The following LILRB4 variants were observed in gnomAD, a reference collection of about 807,000 sequenced individuals.
LILRB4 encodes the protein leukocyte immunoglobulin like receptor B4.
Under a neutral mutation model 55.2 loss-of-function variants are expected in LILRB4, and 49 were observed. The observed-to-expected ratio is 0.89, with a 90% CI of 0.71 to 1.13. The LOEUF (loss-of-function observed/expected upper bound fraction) is 1.13. Among genes scored for constraint, LILRB4 ranks in the 50% most tolerant of loss-of-function variants. The pLI, the probability that LILRB4 is intolerant of heterozygous loss-of-function variation, is 0.00. For synonymous variants in LILRB4, 229 were observed against 213.8 expected, an observed-to-expected ratio of 1.07 and a Z score of -0.62; for missense variants, 590 against 555.2, an observed-to-expected ratio of 1.06 and a Z score of -0.63.
At chr19:54,667,353 G>C (rs148311575) in intron 10 of LILRB4, 3 of 624,834 alleles carry the variant, frequency 4.8e-6, no homozygotes, top group Non-Finnish European at 5.7e-6. Context: ...TCTAATGGAC[G>C]AGCCCCTGCA....
chr19:54,663,435 C>T, intron 1 of LILRB4, 97 bp from the exon 2 acceptor site: 2 of 694,004 alleles, frequency 2.9e-6, no homozygotes, highest in Non-Finnish European at 4.1e-6. Flanking sequence ...GACAGCGAGA[C>T]TCCGTCTCAA....
At position 54,666,284 on chromosome 19, in the gene LILRB4, C is replaced by G. The variant is rs562488473; in HGVS notation, c.919C>G (p.Pro307Ala). The change falls in exon 8 of 12, where the codon CCA becomes GCA. Residue 307 changes from proline to alanine, a missense_variant. Coordinates refer to ENST00000430952, the Ensembl canonical transcript of LILRB4. This position sits in a 1 kb window ranked among gnomAD's most constrained non-coding sequence, Gnocchi z 4.8. Reference sequence around the variant, plus strand: ...CCAACGTCCTCCAGGGGCTGCCGAGCCAGAGCCCAAGGACGGGGGCCTACA... The same window carrying G: ...CCAACGTCCTCCAGGGGCTGCCGAGGCAGAGCCCAAGGACGGGGGCCTACA... 6.2e-6 allele frequency: 10 copies of G among 1,609,610 alleles called. No homozygotes were observed. Among genetic ancestry groups the G allele is most frequent in the Non-Finnish European group, 8.5e-6 (10 of 1,177,700 alleles).
At position 54,665,301 on chromosome 19, in the gene LILRB4, C is replaced by T. The variant is rs1450271253; in HGVS notation, c.757+121C>T. On this transcript the variant is annotated intron_variant, in intron 6 of 11. Transcript: ENST00000430952. The surrounding 1 kb of genome is among the most constrained non-coding windows in gnomAD (Gnocchi z 5.5). ...GGACAGGCCCCTCCCCTGCATGGGC[C>T]TCAGTTTCTCCAAGTGTAAAGGAGA... 7.6e-7 allele frequency: 1 copy of T among 1,323,490 alleles called. No individual in the cohort carries two copies. The highest frequency in any genetic ancestry group is 1.0e-6 in the Non-Finnish European group (1 of 976,366). 82.0% of individuals were successfully genotyped at this position (1,323,490 alleles called of 1,614,324 possible). A position where few individuals can be genotyped will look rare whatever the true frequency, so the allele number is the denominator to read the frequency against.
exon 1 of LILRB4, chr19:54,663,019 C>T (rs2065071515): frequency 1.2e-6 from 2 of 1,614,042 alleles, no homozygotes; most frequent in South Asian, 1.1e-5. Flanking sequence ...GCTGGGGCCC[C>T]TGGGAGGAGA....
chr19:54,666,750 G>C lies in LILRB4; in HGVS notation c.1041+1G>C. ...GGACGGGGTGGAAATGGACACTCGG[G>C]TGAGAACCCGCCCCTGTCCCCGGCA... On this transcript the variant is annotated splice_donor_variant, in intron 10 of 11. Transcript: ENST00000430952. LOFTEE classifies it high-confidence loss of function. The surrounding 1 kb of genome is among the most constrained non-coding windows in gnomAD (Gnocchi z 4.8). The C allele has an allele frequency of 6.2e-7, 1 of 1,614,062 alleles. No homozygotes were observed. Among genetic ancestry groups the C allele is most frequent in the Non-Finnish European group, 8.5e-7 (1 of 1,179,928 alleles).
At chr19:54,663,413 T>G in intron 1 of LILRB4, 119 bp from the exon 2 acceptor site, 1 of 1,374,748 alleles carries the variant, frequency 7.3e-7, no homozygotes, top group South Asian at 1.4e-5. Context: ...ACCACCGCAC[T>G]CCAGCCTGGG....
In LILRB4 at chr19:54,665,282, G is replaced by C; in HGVS notation, c.757+102G>C. ...CCTCTGGAGGTGGTGATGTGGACAG[G>C]CCCCTCCCCTGCATGGGCCTCAGTT... On this transcript the variant is annotated intron_variant, in intron 6 of 11. Coordinates refer to ENST00000430952, the Ensembl canonical transcript of LILRB4. The surrounding 1 kb of genome is among the most constrained non-coding windows in gnomAD (Gnocchi z 5.5). The C allele has an allele frequency of 7.2e-7, 1 of 1,383,162 alleles. No individual in the cohort carries two copies. Among genetic ancestry groups the C allele is most frequent in the Admixed American group, 2.2e-5 (1 of 46,030 alleles). The allele number at this position is 1,383,162 out of a possible 1,614,324, so 85.7% of individuals were successfully genotyped here.
chr19:54,665,681 G>A lies in LILRB4; in HGVS notation c.758-134G>A, dbSNP rs2065231868. On this transcript the variant is annotated intron_variant, in intron 6 of 11. Transcript: ENST00000430952. The surrounding 1 kb of genome is among the most constrained non-coding windows in gnomAD (Gnocchi z 5.5). ...CTGTGAAATGGGTGGAGAGAGGGTG[G>A]CAATCTCAGGTTGCACAACTGCTGT... 5.5e-6 allele frequency: 6 copies of A among 1,087,468 alleles called. No homozygotes were observed. Among genetic ancestry groups the A allele is most frequent in the Non-Finnish European group, 8.3e-6 (6 of 726,882 alleles). The allele number at this position is 1,087,468 out of a possible 1,614,324, so 67.4% of individuals were successfully genotyped here. A position where few individuals can be genotyped will look rare whatever the true frequency, so the allele number is the denominator to read the frequency against.
rs1177187557 is a variant in LILRB4 at position 54,663,222 on chromosome 19, G to A, written c.34+155G>A. 3.9e-5 allele frequency among the ~76,000 whole-genome samples: 6 copies of A among 151,900 alleles called. No individual in the cohort carries two copies. In the South Asian group the frequency reaches 1.0e-3, roughly 26 times the overall value. On this transcript the variant is annotated intron_variant, in intron 1 of 11. Transcript: ENST00000430952. Reference sequence around the variant, plus strand: ...AGCACTTTGGGAGGCCGAGGCGGGCGGATCACGAGGTCAGGAGATCGAGAC... The same window carrying A: ...AGCACTTTGGGAGGCCGAGGCGGGCAGATCACGAGGTCAGGAGATCGAGAC...
Position 54,666,779 on chromosome 19 carries a change from A to G in LILRB4, c.1041+30A>G, listed in dbSNP as rs2065290217. The G allele has an allele frequency of 3.7e-6, 6 of 1,600,914 alleles. No individual in the cohort carries two copies. Among genetic ancestry groups the G allele is most frequent in the Non-Finnish European group, 5.1e-6 (6 of 1,168,246 alleles). On this transcript the variant is annotated intron_variant, in intron 10 of 11. Transcript: ENST00000430952. This position sits in a 1 kb window ranked among gnomAD's most constrained non-coding sequence, Gnocchi z 4.8. ...GAACCCGCCCCTGTCCCCGGCACCA[A>G]AGGCCTCCTGGTGCCAGATCTAATC... is the stretch of plus-strand genomic sequence containing the variant.
At chr19:54,663,255 G>A (rs1407674390) in intron 1 of LILRB4, among the ~76,000 whole-genome samples, 188 bp downstream of exon 1, 1 of 151,818 alleles carries the variant, frequency 6.6e-6, no homozygotes, top group Non-Finnish European at 1.5e-5. Context: ...GACCATCCTG[G>A]CTAACACGGT....
Position 54,664,543 on chromosome 19 carries a change from C to T in LILRB4, c.655+58C>T, listed in dbSNP as rs926608129. ...AGTGGCTCCGTTCATGCCCTGCTGC[C>T]AGGAGAGCTCTGGGCAGGGATGGAG... On this transcript the variant is annotated intron_variant, in intron 4 of 11. Transcript: ENST00000430952. 26 of 1,514,870 alleles carry T rather than the reference C, an allele frequency of 1.7e-5. No homozygotes were observed. The Middle Eastern group carries it at 1.4e-3, about 79-fold the overall frequency. The allele number at this position is 1,514,870 out of a possible 1,614,324, so 93.8% of individuals were successfully genotyped here.
chr19:54,664,802 C>T (rs374625345), exon 5 of LILRB4: 12 of 1,590,996 alleles, frequency 7.5e-6, no homozygotes, highest in African/African-American at 6.7e-5. Flanking sequence ...TACCCAGGAT[C>T]CTTGGAGGGT....
At chr19:54,663,994 T>C (rs772645518) in exon 3 of LILRB4, 4 of 1,614,064 alleles carry the variant, frequency 2.5e-6, no homozygotes, top group East Asian at 2.2e-5. Context: ...CGCAGCCCTG[T>C]AGGCTGGTCA....
chr19:54,666,166 T>C lies in LILRB4; in HGVS notation c.875-74T>C. ...TGCAAGTGTATTTTCAGGTTTCCTT[T>C]CCTCTTGACTTGCATGTGCAAGGCA... On this transcript the variant is annotated intron_variant, in intron 7 of 11. Transcript: ENST00000430952. The surrounding 1 kb of genome is among the most constrained non-coding windows in gnomAD (Gnocchi z 4.8). 7.0e-7 allele frequency: 1 copy of C among 1,425,092 alleles called. No individual in the cohort carries two copies. Among genetic ancestry groups the C allele is most frequent in the East Asian group, 2.3e-5 (1 of 43,654 alleles). The allele number at this position is 1,425,092 out of a possible 1,614,324, so 88.3% of individuals were successfully genotyped here.
intron 1 of LILRB4, 118 bp from the exon 2 acceptor site, chr19:54,663,414 C>T: frequency 1.4e-6 from 2 of 1,395,994 alleles, no homozygotes; most frequent in South Asian, 1.4e-5. Flanking sequence ...CCACCGCACT[C>T]CAGCCTGGGT....
Position 54,666,918 on chromosome 19 carries a change from TG to T in LILRB4, c.1041+172del. 2 of 781,324 alleles carry T rather than the reference TG, an allele frequency of 2.6e-6. No homozygotes were observed. Among genetic ancestry groups the T allele is most frequent in the East Asian group, 2.5e-5 (1 of 39,840 alleles). The allele number at this position is 781,324 out of a possible 1,614,324, so 48.4% of individuals were successfully genotyped here. On this transcript the variant is annotated intron_variant, in intron 10 of 11. Transcript: ENST00000430952. The surrounding 1 kb of genome is among the most constrained non-coding windows in gnomAD (Gnocchi z 4.8). ...GGGACCTCACTCTCTCCTGCTGTCC[TG>T]GGACCTCATGGGCCTCCTCCCGGGT...
intron 3 of LILRB4, 56 bp from the exon 4 acceptor site, chr19:54,664,130 G>T: frequency 6.3e-7 from 1 of 1,592,302 alleles, no homozygotes; most frequent in Non-Finnish European, 8.6e-7. Flanking sequence ...GCCCAGCCCT[G>T]GGGATGATGT....
At position 54,665,664 on chromosome 19, in the gene LILRB4, T is replaced by C; in HGVS notation, c.758-151T>C. 1 of 990,080 alleles carries C rather than the reference T, an allele frequency of 1.0e-6. No homozygotes were observed. Among genetic ancestry groups the C allele is most frequent in the South Asian group, 1.4e-5 (1 of 71,042 alleles). 61.3% of individuals were successfully genotyped at this position (990,080 alleles called of 1,614,324 possible). ...AGCCTCAGTTTGTGCATCTGTGAAATGGGTGGAGAGAGGGTGGCAATCTCA... is the reference window on the plus strand; with the variant it reads ...AGCCTCAGTTTGTGCATCTGTGAAACGGGTGGAGAGAGGGTGGCAATCTCA... On this transcript the variant is annotated intron_variant, in intron 6 of 11. Coordinates refer to ENST00000430952, the Ensembl canonical transcript of LILRB4. This position sits in a 1 kb window ranked among gnomAD's most constrained non-coding sequence, Gnocchi z 5.5.
Sources: allele counts gnomAD v4.1 joint callset (sites outside exome capture counted in the v4.1 genomes callset), GRCh38; gene constraint gnomAD v4.1.1; non-coding constraint Gnocchi (gnomAD v3.1); transcripts MANE v1.5; gene names NCBI Gene and HGNC (gene_info 2026-07-23, HGNC 2026-07-21).